SCD5: variants seen among roughly 807,000 people sequenced by gnomAD.
SCD5 encodes acyl-CoA-desaturase 4.
Under a neutral mutation model 30.4 loss-of-function variants are expected in SCD5, and 20 were observed. The observed-to-expected ratio is 0.66, with a 90% CI of 0.46 to 0.96. The LOEUF is 0.96. Among genes scored for constraint, SCD5 ranks in the 40% least tolerant of loss-of-function variants. The pLI is 0.00. For missense variants in SCD5, 381 were observed against 443.3 expected (o/e 0.86, Z 1.26); for synonymous variants, 173 against 176.4 (o/e 0.98, Z 0.16).
At chr4:82,632,090 G>A (rs1011340171) in intron 4 of SCD5, among the ~76,000 whole-genome samples, 9 of 151,754 alleles carry the variant, frequency 5.9e-5, no homozygotes, top group African/African-American at 2.2e-4. Context: ...CAATGTGCAG[G>A]TTTGTTACAT....
intron 1 of SCD5, among the ~76,000 whole-genome samples, chr4:82,736,547 G>T (rs1381347458): frequency 1.3e-5 from 2 of 152,042 alleles, no homozygotes. Context: ...GGCAGAGGTT[G>T]CAGTGAGCCC....
At chr4:82,664,999 C>CTCTCTATATATA (rs1219554314) in intron 3 of SCD5, among the ~76,000 whole-genome samples, 79 of 70,464 alleles carry the variant, frequency 1.1e-3, no homozygotes, top group African/African-American at 4.0e-3. Context: ...CTCTCTCTCT[C>CTCTCTATATATA]TATATATATA....
Position 82,730,508 on chromosome 4 carries a change from A to G in SCD5, c.233-25095T>C, listed in dbSNP as rs1037780833. On this transcript the variant is annotated intron_variant, in intron 1 of 4. Transcript: ENST00000319540. Reference sequence around the variant, plus strand: ...AAACGGGGTTTCACCGTGTTAGCCAAGATGGTCTTGATCTCCTGACATCAT... The same window carrying G: ...AAACGGGGTTTCACCGTGTTAGCCAGGATGGTCTTGATCTCCTGACATCAT... Among the ~76,000 whole-genome samples, 19 of 150,638 alleles carry G rather than the reference A, an allele frequency of 1.3e-4. No homozygotes were observed. The South Asian group carries it at 1.5e-3, about 12-fold the overall frequency.
intron 1 of SCD5, among the ~76,000 whole-genome samples, chr4:82,769,392 A>G (rs1254197678): frequency 6.6e-6 from 1 of 152,236 alleles, no homozygotes; most frequent in Non-Finnish European, 1.5e-5. Context: ...AAAAGAAATT[A>G]GCCAAGTAGG....
chr4:82,702,521 T>C (rs1719873797), intron 2 of SCD5, among the ~76,000 whole-genome samples: 3 of 152,050 alleles, frequency 2.0e-5, no homozygotes, highest in African/African-American at 7.2e-5. Context: ...ACATCTTCTA[T>C]AGAAGAAAAA....
intron 3 of SCD5, among the ~76,000 whole-genome samples, chr4:82,676,150 A>G (rs542914224): frequency 6.6e-6 from 1 of 152,256 alleles, no homozygotes; most frequent in South Asian, 2.1e-4. Flanking sequence ...ATCAGTTTGC[A>G]CCATGAAATG....
intron 1 of SCD5, among the ~76,000 whole-genome samples, chr4:82,742,176 A>G (rs1301942527): frequency 6.6e-6 from 1 of 152,100 alleles, no homozygotes; most frequent in Non-Finnish European, 1.5e-5. Flanking sequence ...GCTTTAAAGT[A>G]GTTTCACTAC....
intron 3 of SCD5, chr4:82,660,761 G>C: frequency 6.5e-7 from 1 of 1,548,248 alleles, no homozygotes. Context: ...TGTTAGCACA[G>C]ACTGCAGCTC....
In SCD5 at chr4:82,636,652, G is replaced by C; in HGVS notation, c.741C>G (p.Asn247Lys). Reference protein sequence around the residue: ...LVNSAAHMYGNRPYDKHISPR... With the variant: ...LVNSAAHMYGKRPYDKHISPR... ...GGCTGATGTGCTTGTCATAGGGCCG[G>C]TTTCCATACATGTGGGCGGCGCTGT... Residue 247 changes from asparagine to lysine, a missense_variant, in exon 4 of 5, where the codon AAC (asparagine) becomes AAG (lysine). Asn to Lys is a moderately conservative substitution (Grantham distance 94). Transcript: ENST00000319540. 1 of 1,614,224 alleles carries C rather than the reference G, an allele frequency of 6.2e-7. No individual in the cohort carries two copies. The highest frequency in any genetic ancestry group is 8.5e-7 in the Non-Finnish European group (1 of 1,180,046).
chr4:82,644,196 G>C (rs1008615595), intron 3 of SCD5, among the ~76,000 whole-genome samples: 1 of 152,160 alleles, frequency 6.6e-6, no homozygotes, highest in Non-Finnish European at 1.5e-5. Flanking sequence ...CCTAATGACT[G>C]CACATCGGTG....
chr4:82,714,910 A>G (rs968040072), intron 1 of SCD5, among the ~76,000 whole-genome samples: 4 of 149,340 alleles, frequency 2.7e-5, no homozygotes, highest in African/African-American at 7.7e-5. Context: ...AGAGAGATAG[A>G]ACTGATCTTG....
chr4:82,679,453 A>G (rs1245969484), intron 3 of SCD5, among the ~76,000 whole-genome samples: 1 of 152,176 alleles, frequency 6.6e-6, no homozygotes, highest in Non-Finnish European at 1.5e-5. Flanking sequence ...AGTGATGGAA[A>G]CAGAGAATTC....
chr4:82,758,333 T>C (rs920129295), intron 1 of SCD5, among the ~76,000 whole-genome samples: 6 of 151,842 alleles, frequency 4.0e-5, no homozygotes, highest in Admixed American at 2.6e-4. Context: ...GGCATGGTGG[T>C]GCACACCTGT....
At chr4:82,632,804 A>G (rs1346215186) in intron 4 of SCD5, among the ~76,000 whole-genome samples, 1 of 152,136 alleles carries the variant, frequency 6.6e-6, no homozygotes, top group Non-Finnish European at 1.5e-5. Flanking sequence ...AGATGTACTC[A>G]TGAGAGCTCT....
intron 1 of SCD5, among the ~76,000 whole-genome samples, chr4:82,738,175 C>T (rs887545060): frequency 6.6e-6 from 1 of 152,178 alleles, no homozygotes; most frequent in East Asian, 1.9e-4. Context: ...AGTCCCAGCA[C>T]TTTGGGAGGC....
At chr4:82,690,667 T>C (rs1174720114) in intron 2 of SCD5, among the ~76,000 whole-genome samples, 1 of 152,260 alleles carries the variant, frequency 6.6e-6, no homozygotes, top group East Asian at 1.9e-4. Flanking sequence ...TTTTGCTTAT[T>C]ATTTGACAAT....
intron 1 of SCD5, among the ~76,000 whole-genome samples, chr4:82,706,836 T>G (rs990899992): frequency 5.9e-5 from 9 of 152,232 alleles, no homozygotes; most frequent in African/African-American, 2.2e-4. Context: ...CAGTGTGTCC[T>G]AGTTACCAGA....
rs142900829 is a variant in SCD5 at position 82,792,146 on chromosome 4, A to G, written c.232+6160T>C. On this transcript the variant is annotated intron_variant, in intron 1 of 4. Coordinates refer to ENST00000319540, the MANE Select transcript of SCD5 (RefSeq NM_001037582.3). ...GCAGTGCATGCCTGTAATCCCAGCT[A>G]CTGGGAAGGCTGAGGCAGGAGAATC... Among the ~76,000 whole-genome samples the G allele has an allele frequency of 9.3e-3, 1,413 of 152,190 alleles. 20 individuals are homozygous for G. The highest frequency in any genetic ancestry group is 0.032 in the African/African-American group (1,312 of 41,516).
At chr4:82,777,247 C>A (rs779375277) in intron 1 of SCD5, among the ~76,000 whole-genome samples, 11 of 152,222 alleles carry the variant, frequency 7.2e-5, no homozygotes, top group Non-Finnish European at 1.6e-4. Flanking sequence ...GTCACACAGC[C>A]AGAAAGTCTC....
Sources: allele counts gnomAD v4.1 joint callset (sites outside exome capture counted in the v4.1 genomes callset), GRCh38; gene constraint gnomAD v4.1.1; transcripts MANE v1.5; gene names NCBI Gene and HGNC (gene_info 2026-07-23, HGNC 2026-07-21).